PAG1: variants seen among roughly 807,000 people sequenced by gnomAD.
PAG1 encodes the protein phosphoprotein associated with glycosphingolipid-enriched microdomains 1.
Under a neutral mutation model 31.7 loss-of-function variants are expected in PAG1, and 23 were observed. The observed-to-expected ratio is 0.73, with a 90% CI of 0.52 to 1.03. PAG1 has a LOEUF of 1.03. Among genes scored for constraint, PAG1 ranks in the 50% least tolerant of loss-of-function variants. The pLI is 0.00. For missense variants in PAG1, 473 were observed against 540.7 expected, an observed-to-expected ratio of 0.87 and a Z score of 1.24; for synonymous variants, 214 against 210.3, an observed-to-expected ratio of 1.02 and a Z score of -0.15.
chr8:81,046,427 A>C (rs1395120921), intron 2 of PAG1, among the ~76,000 whole-genome samples: 1 of 152,218 alleles, frequency 6.6e-6, no homozygotes, highest in Non-Finnish European at 1.5e-5. Flanking sequence ...CAATGATAGG[A>C]AAGGCAGCTG....
Position 80,993,088 on chromosome 8 carries a change from C to T in PAG1, c.125+15G>A. On this transcript the variant is annotated intron_variant, in intron 4 of 8. Transcript: ENST00000220597. ...TATTAGTTTAAGGCACAGGTATATA[C>T]ACTCTGGTTCTCACCTGTCACAACT... The T allele has an allele frequency of 6.2e-7, 1 of 1,611,278 alleles. No individual in the cohort carries two copies. The highest frequency in any genetic ancestry group is 1.7e-4 in the Middle Eastern group (1 of 6,050).
At chr8:81,069,876 TG>T (rs1809066225) in intron 2 of PAG1, among the ~76,000 whole-genome samples, 2 of 152,196 alleles carry the variant, frequency 1.3e-5, no homozygotes, top group Non-Finnish European at 2.9e-5. Context: ...AACACCATGT[TG>T]TAGGAAGTAT....
intron 3 of PAG1, among the ~76,000 whole-genome samples, chr8:81,000,986 G>C (rs902126779): frequency 1.3e-5 from 2 of 152,158 alleles, no homozygotes; most frequent in African/African-American, 4.8e-5. Context: ...CAAGCCTCAA[G>C]GGGGCTGGAC....
chr8:81,020,423 T>C (rs1586169513), intron 3 of PAG1, among the ~76,000 whole-genome samples: 1 of 152,158 alleles, frequency 6.6e-6, no homozygotes, highest in Non-Finnish European at 1.5e-5. Context: ...TGGGAAGAGA[T>C]TGAATCATGG....
intron 5 of PAG1, 190 bp from the exon 6 acceptor site, chr8:80,987,656 A>G (rs1807453571): frequency 1.9e-6 from 1 of 536,810 alleles, no homozygotes; most frequent in African/African-American, 1.9e-5. Flanking sequence ...GCCTAAAACC[A>G]TGAGTAGTAC....
chr8:81,063,944 G>A (rs928034886), intron 2 of PAG1, among the ~76,000 whole-genome samples: 2 of 152,186 alleles, frequency 1.3e-5, no homozygotes, highest in South Asian at 2.1e-4. Flanking sequence ...GTACCAGTAT[G>A]TCAAGGTTGA....
At chr8:81,099,720 A>C (rs1488667487) in intron 1 of PAG1, among the ~76,000 whole-genome samples, 2 of 152,360 alleles carry the variant, frequency 1.3e-5, no homozygotes, top group East Asian at 1.9e-4. Context: ...GGCTGGCAGC[A>C]GGAATGAGAA....
intron 1 of PAG1, among the ~76,000 whole-genome samples, chr8:81,089,391 A>G (rs1027736196): frequency 6.6e-6 from 1 of 151,870 alleles, no homozygotes; most frequent in Non-Finnish European, 1.5e-5. Flanking sequence ...ACACAGTGAA[A>G]CCCCGTCTCT....
intron 3 of PAG1, among the ~76,000 whole-genome samples, 186 bp from the exon 4 acceptor site, chr8:80,993,493 A>G (rs1807603309): frequency 6.6e-6 from 1 of 151,742 alleles, no homozygotes; most frequent in Non-Finnish European, 1.5e-5. Flanking sequence ...CTAGGTCTTC[A>G]TTTTTCTTAC....
At position 80,968,686 on chromosome 8, in the gene PAG1, A is replaced by C. The variant is rs536474727; in HGVS notation, c.*7858T>G. ...ATGTCTTTACAAGAAATATATTTGA[A>C]AAAATGCTTCTAGTCACCTACTCAA... On this transcript the variant is annotated 3_prime_UTR_variant, in exon 9 of 9. Coordinates refer to ENST00000220597, the MANE Select transcript of PAG1 (RefSeq NM_018440.4). 1 of 152,358 alleles carries C rather than the reference A, an allele frequency of 6.6e-6. No homozygotes were observed. 9.4% of individuals were successfully genotyped at this position (152,358 alleles called of 1,614,324 possible). A position where few individuals can be genotyped will look rare whatever the true frequency, so the allele number is the denominator to read the frequency against.
Position 81,022,781 on chromosome 8 carries a change from G to C in PAG1, c.-81+7215C>G, listed in dbSNP as rs118172937. On this transcript the variant is annotated intron_variant, in intron 3 of 8. Transcript: ENST00000220597. ...AGAGGTGATCCCTGATTTTCACTGAGAGCTGGGACAGGAAATTATAGGAGA... is the reference window on the plus strand; with the variant it reads ...AGAGGTGATCCCTGATTTTCACTGACAGCTGGGACAGGAAATTATAGGAGA... Among the ~76,000 whole-genome samples the C allele has an allele frequency of 3.9e-5, 6 of 152,264 alleles. No individual in the cohort carries two copies. The East Asian group carries it at 1.2e-3, about 29-fold the overall frequency.
intron 2 of PAG1, among the ~76,000 whole-genome samples, chr8:81,049,395 G>A (rs1224070758): frequency 6.6e-6 from 1 of 152,146 alleles, no homozygotes; most frequent in African/African-American, 2.4e-5. Flanking sequence ...GTACAATGCT[G>A]CAGAAAAATA....
chr8:81,040,085 G>T (rs936063787), intron 2 of PAG1, among the ~76,000 whole-genome samples: 8 of 152,162 alleles, frequency 5.3e-5, no homozygotes, highest in Non-Finnish European at 1.0e-4. Flanking sequence ...TCCCCTCTTG[G>T]TTAATTCATG....
At chr8:81,028,910 C>T (rs1335238263) in intron 3 of PAG1, among the ~76,000 whole-genome samples, 5 of 152,248 alleles carry the variant, frequency 3.3e-5, no homozygotes, top group East Asian at 3.9e-4. Flanking sequence ...GGATGAGGAC[C>T]GAGGAGGAAA....
intron 3 of PAG1, among the ~76,000 whole-genome samples, chr8:81,009,271 T>C (rs915413543): frequency 6.6e-6 from 1 of 152,224 alleles, no homozygotes; most frequent in Non-Finnish European, 1.5e-5. Context: ...TAGAAGCAGA[T>C]ATTAATTTCT....
At chr8:80,980,586 C>A in intron 7 of PAG1, 92 bp from the exon 8 acceptor site, 4 of 803,064 alleles carry the variant, frequency 5.0e-6, no homozygotes, top group South Asian at 3.1e-5. Context: ...TGTCTAGCAA[C>A]GTTTTCAAAT....
intron 3 of PAG1, among the ~76,000 whole-genome samples, chr8:81,002,784 T>C (rs1807809658): frequency 6.6e-6 from 1 of 152,136 alleles, no homozygotes; most frequent in Admixed American, 6.5e-5. Context: ...AGAACCAAAA[T>C]CCTCAAAACA....
Position 80,972,869 on chromosome 8 carries a change from C to T in PAG1, c.*3675G>A, listed in dbSNP as rs949324507. On this transcript the variant is annotated 3_prime_UTR_variant, in exon 9 of 9. Coordinates refer to ENST00000220597, the MANE Select transcript of PAG1 (RefSeq NM_018440.4). ...ACTAGCAGGATAAACATTCAAAATA[C>T]ATAATAGAACATATCCTAATTAAGC... 1.3e-5 allele frequency: 2 copies of T among 151,848 alleles called. No homozygotes were observed. Among genetic ancestry groups the T allele is most frequent in the Non-Finnish European group, 2.9e-5 (2 of 67,978 alleles). 9.4% of individuals were successfully genotyped at this position (151,848 alleles called of 1,614,324 possible). A position where few individuals can be genotyped will look rare whatever the true frequency, so the allele number is the denominator to read the frequency against.
At chr8:81,044,051 G>A (rs1329437787) in intron 2 of PAG1, among the ~76,000 whole-genome samples, 1 of 152,180 alleles carries the variant, frequency 6.6e-6, no homozygotes, top group East Asian at 1.9e-4. Context: ...AGGCCAAGAG[G>A]TTCCCAACTA....
Sources: allele counts gnomAD v4.1 joint callset (sites outside exome capture counted in the v4.1 genomes callset), GRCh38; gene constraint gnomAD v4.1.1; transcripts MANE v1.5; gene names NCBI Gene and HGNC (gene_info 2026-07-23, HGNC 2026-07-21).